TXNDC16: variants seen among roughly 807,000 people sequenced by gnomAD.
TXNDC16 encodes the protein thioredoxin domain-containing protein 16.
TXNDC16 carries 74 observed loss-of-function variants against 85.6 expected under a neutral mutation model. That is an observed-to-expected ratio of 0.86 (90% CI 0.72 to 1.05). TXNDC16 has a LOEUF of 1.05. Ranked by LOEUF, TXNDC16 falls within the 50% of genes least tolerant of loss-of-function variation. TXNDC16 has a pLI of 0.00. For missense variants in TXNDC16, 959 were observed against 947.0 expected (o/e 1.01, Z -0.17); for synonymous variants, 335 against 326.5 (o/e 1.03, Z -0.28).
At chr14:52,529,765 TTA>T (rs1213847280) in intron 6 of TXNDC16, among the ~76,000 whole-genome samples, 2 of 118,174 alleles carry the variant, frequency 1.7e-5, no homozygotes, top group Non-Finnish European at 3.2e-5. Context: ...ATAATACCTA[TTA>T]TATATATACC....
chr14:52,437,669 C>CAAGG (rs1220823993), intron 20 of TXNDC16, among the ~76,000 whole-genome samples: 1 of 151,990 alleles, frequency 6.6e-6, no homozygotes, highest in East Asian at 1.9e-4. Context: ...ACCTGTCTGA[C>CAAGG]AAGGGATTAA....
rs1248500125 is a variant in TXNDC16 at position 52,439,295 on chromosome 14, T to C, written c.2103A>G (p.Gln701=). 6.8e-6 allele frequency: 11 copies of C among 1,614,098 alleles called. No homozygotes were observed. In the South Asian group the frequency reaches 8.8e-5, roughly 13 times the overall value. Residue 701 remains glutamine (Q), a synonymous_variant, in exon 20 of 21, where the codon CAA becomes CAG. Transcript: ENST00000281741. ...CCTGGTCTGAAGGAAATGCAAATAC[T>C]TGGCCACCTGAATGCAGATTCACCA... is the stretch of plus-strand genomic sequence containing the variant. ...LVLVNLHSGG[Q]VFAFPSDQAI... is the part of the protein sequence containing the mutation.
chr14:52,543,445 C>T lies in TXNDC16; in HGVS notation c.113G>A (p.Ser38Asn), dbSNP rs770682189. ...AGAGGCTTTTCCTGGTTGCAATGTA[C>T]TAAAATATTTCTGAGGACTCAGTTC... ...LPELSPQKYFSTLQPGKASLA... is the reference protein window; with the variant it reads ...LPELSPQKYFNTLQPGKASLA... The change falls in exon 3 of 21, where the codon AGT (serine) becomes AAT (asparagine). Residue 38 changes from serine (S) to asparagine (N), a missense_variant. Physicochemically the swap from Ser to Asn is conservative, Grantham distance 46. Coordinates refer to ENST00000281741, the MANE Select transcript of TXNDC16 (RefSeq NM_020784.3). The T allele has an allele frequency of 2.5e-6, 4 of 1,612,796 alleles. No individual in the cohort carries two copies. The highest frequency in any genetic ancestry group is 4.5e-5 in the East Asian group (2 of 44,750).
chr14:52,508,026 C>T (rs571632433), intron 9 of TXNDC16, among the ~76,000 whole-genome samples: 23 of 152,278 alleles, frequency 1.5e-4, no homozygotes, highest in Admixed American at 1.0e-3. Flanking sequence ...ATGTCTAAAA[C>T]ACCAAAAGCA....
chr14:52,471,082 T>C (rs1427169641), intron 14 of TXNDC16, among the ~76,000 whole-genome samples: 1 of 152,228 alleles, frequency 6.6e-6, no homozygotes, highest in East Asian at 1.9e-4. Context: ...TGTTTTCCTT[T>C]GAACGGAAAC....
At chr14:52,516,001 C>G (rs184598052) in intron 7 of TXNDC16, among the ~76,000 whole-genome samples, 1 of 152,128 alleles carries the variant, frequency 6.6e-6, no homozygotes, top group Admixed American at 6.6e-5. Flanking sequence ...TTTTTCTTTT[C>G]TAATTTCTTC....
At position 52,432,520 on chromosome 14, in the gene TXNDC16, G is replaced by A. The variant is rs571550034; in HGVS notation, c.2262C>T (p.Ala754=). 9.6e-5 allele frequency: 155 copies of A among 1,613,520 alleles called. No individual in the cohort carries two copies. The highest frequency in any genetic ancestry group is 3.1e-4 in the East Asian group (14 of 44,852). ...TCCTAGTGCCACGTTGAGATGTTGC[G>A]GCATCTATCATACTTAGAAAATCAT... ...PAYDFLSMID[A]ATSQRGTRKV... The change falls in exon 21 of 21, where the codon GCC becomes GCT. Residue 754 remains alanine, a synonymous_variant. Transcript: ENST00000281741.
At chr14:52,466,458 G>C (rs1278748868) in intron 16 of TXNDC16, among the ~76,000 whole-genome samples, 1 of 150,022 alleles carries the variant, frequency 6.7e-6, no homozygotes, top group Non-Finnish European at 1.5e-5. Flanking sequence ...ACAAGAGGGA[G>C]TCCAAATCAT....
At chr14:52,551,123 C>T (rs2038035009) in intron 1 of TXNDC16, among the ~76,000 whole-genome samples, 1 of 152,014 alleles carries the variant, frequency 6.6e-6, no homozygotes, top group South Asian at 2.1e-4. Context: ...AGTTTGTCAG[C>T]ATACCTATAA....
chr14:52,461,015 G>A (rs970857434), intron 16 of TXNDC16, among the ~76,000 whole-genome samples: 1 of 151,354 alleles, frequency 6.6e-6, no homozygotes, highest in African/African-American at 2.4e-5. Context: ...CAATTTTGAA[G>A]TTTTCTAACT....
At chr14:52,480,941 T>C (rs1269033712) in intron 14 of TXNDC16, among the ~76,000 whole-genome samples, 1 of 127,162 alleles carries the variant, frequency 7.9e-6, no homozygotes, top group Non-Finnish European at 1.6e-5. Flanking sequence ...ACAAAGACAC[T>C]GTGGTGTGTG....
In TXNDC16 at chr14:52,455,325, A is replaced by T; in HGVS notation, c.1841T>A (p.Phe614Tyr). 6.2e-7 allele frequency: 1 copy of T among 1,613,468 alleles called. No homozygotes were observed. Among genetic ancestry groups the T allele is most frequent in the Non-Finnish European group, 8.5e-7 (1 of 1,179,684 alleles). The stretch of plus-strand genomic sequence containing the variant: ...ACCCTTATTATAAAACATACTCACA[A>T]ACATTTCCAGTAGTGCATCTGTTAT... The part of the protein sequence containing the change: ...QIITDALLEM[F>Y]PEITVENLPS... Residue 614 changes from phenylalanine to tyrosine, a missense_variant and splice_region_variant, in exon 18 of 21, where the codon TTT becomes TAT. Transcript: ENST00000281741.
intron 16 of TXNDC16, among the ~76,000 whole-genome samples, chr14:52,469,688 A>G (rs1182569317): frequency 1.3e-5 from 2 of 152,160 alleles, no homozygotes; most frequent in Non-Finnish European, 2.9e-5. Context: ...GGTTGCAGTG[A>G]GCCGACATCA....
intron 16 of TXNDC16, among the ~76,000 whole-genome samples, chr14:52,462,277 T>C (rs1370600663): frequency 6.6e-6 from 1 of 152,216 alleles, no homozygotes; most frequent in African/African-American, 2.4e-5. Context: ...CCTAGGCTGG[T>C]CTTGAACTCT....
intron 18 of TXNDC16, among the ~76,000 whole-genome samples, chr14:52,453,685 A>G (rs1416822375): frequency 1.3e-5 from 2 of 152,174 alleles, no homozygotes; most frequent in Non-Finnish European, 2.9e-5. Context: ...TGGGAAGGGT[A>G]GTGGAAGAGG....
chr14:52,526,171 AC>A (rs1022029667), intron 6 of TXNDC16, among the ~76,000 whole-genome samples: 1 of 152,160 alleles, frequency 6.6e-6, no homozygotes, highest in African/African-American at 2.4e-5. Flanking sequence ...ACTCAATTTT[AC>A]CACTTTTCAC....
At chr14:52,515,010 T>A (rs753809908) in intron 7 of TXNDC16, 40 bp from the exon 8 acceptor site, 2 of 1,484,198 alleles carry the variant, frequency 1.3e-6, no homozygotes, top group Admixed American at 3.6e-5. Flanking sequence ...CAGGAAAAAA[T>A]AGTTTGTGTG....
At chr14:52,506,366 C>T (rs1053851846) in intron 9 of TXNDC16, among the ~76,000 whole-genome samples, 22 of 152,202 alleles carry the variant, frequency 1.4e-4, no homozygotes, top group African/African-American at 4.6e-4. Flanking sequence ...CATCAAAAAG[C>T]TTATCCACCA....
At position 52,469,998 on chromosome 14, in the gene TXNDC16, A is replaced by G. The variant is rs752425295; in HGVS notation, c.1618+39T>C. The G allele has an allele frequency of 2.0e-6, 3 of 1,530,758 alleles. No homozygotes were observed. In the Admixed American group the frequency reaches 6.9e-5, roughly 35 times the overall value. 94.8% of individuals were successfully genotyped at this position (1,530,758 alleles called of 1,614,324 possible). On this transcript the variant is annotated intron_variant, in intron 16 of 20. Transcript: ENST00000281741. ...AAAAATAAAACTAGCAAGCAATGAT[A>G]TACTCTACTGTATAATTTAAAAGCT...
Sources: allele counts gnomAD v4.1 joint callset (sites outside exome capture counted in the v4.1 genomes callset), GRCh38; gene constraint gnomAD v4.1.1; transcripts MANE v1.5; gene names NCBI Gene and HGNC (gene_info 2026-07-23, HGNC 2026-07-21).